Variants in SHISA9 observed in about 807,000 individuals in gnomAD.
SHISA9 encodes protein shisa-9.
Under a neutral mutation model 38.0 loss-of-function variants are expected in SHISA9, and 13 were observed. The ratio of observed to expected loss-of-function variants is 0.34; its 90% CI spans 0.22 to 0.54. The LOEUF (loss-of-function observed/expected upper bound fraction) is 0.54. Ranked by LOEUF, SHISA9 falls within the 20% of genes least tolerant of loss-of-function variation. SHISA9 has a pLI of 0.91. For synonymous variants in SHISA9, 275 were observed against 242.0 expected (o/e 1.14, Z -1.27); for missense variants, 538 against 575.8 (o/e 0.93, Z 0.67).
intron 2 of SHISA9, among the ~76,000 whole-genome samples, chr16:13,181,565 T>G (rs1366085911): frequency 6.6e-6 from 1 of 151,574 alleles, no homozygotes; most frequent in African/African-American, 2.4e-5. Flanking sequence ...ATGGTATGGG[T>G]TTTGATTTTA....
At chr16:13,244,546 T>G (rs1354199129), downstream of SHISA9, among the ~76,000 whole-genome samples, 2 of 152,248 alleles carry the variant, frequency 1.3e-5, no homozygotes, top group Non-Finnish European at 2.9e-5. Flanking sequence ...CAGTGTTATA[T>G]ATTTGTATAC....
At chr16:13,008,847 T>C (rs191716544) in intron 2 of SHISA9, among the ~76,000 whole-genome samples, 153 of 152,158 alleles carry the variant, frequency 1.0e-3, no homozygotes, top group Non-Finnish European at 1.9e-3. Flanking sequence ...TTTAGAGCAA[T>C]GTGAGAACAG....
At chr16:13,507,727 C>T in the SHISA9 span, among the ~76,000 whole-genome samples, 2 of 152,174 alleles carry the variant, frequency 1.3e-5, no homozygotes, top group African/African-American at 4.8e-5. Flanking sequence ...ACTGCCAGCC[C>T]TGATTCAGGT....
chr16:13,397,933 G>A, the SHISA9 span, among the ~76,000 whole-genome samples: 4 of 152,204 alleles, frequency 2.6e-5, no homozygotes, highest in Non-Finnish European at 5.9e-5. Flanking sequence ...CAGCAGAGCG[G>A]GGAGCCAGAA....
chr16:13,154,207 A>C (rs2050523347), intron 2 of SHISA9, among the ~76,000 whole-genome samples: 1 of 152,166 alleles, frequency 6.6e-6, no homozygotes, highest in African/African-American at 2.4e-5. Flanking sequence ...AGACTGGGGA[A>C]ATTTAAGTTA....
the SHISA9 span, among the ~76,000 whole-genome samples, chr16:13,475,844 C>A: frequency 6.6e-6 from 1 of 152,162 alleles, no homozygotes; most frequent in Admixed American, 6.5e-5. Flanking sequence ...TCATAAGGAA[C>A]AGGCAACCTA....
chr16:13,355,124 G>A, the SHISA9 span, among the ~76,000 whole-genome samples: 1 of 150,428 alleles, frequency 6.6e-6, no homozygotes, highest in South Asian at 2.2e-4. Flanking sequence ...GGCACCACGG[G>A]GTGGATAGGC....
chr16:13,035,063 G>C (rs1308357099), intron 2 of SHISA9, among the ~76,000 whole-genome samples: 1 of 152,176 alleles, frequency 6.6e-6, no homozygotes, highest in Non-Finnish European at 1.5e-5. Context: ...TTGGTGGATT[G>C]TCTGTTAAAA....
chr16:13,491,818 CT>C, the SHISA9 span, among the ~76,000 whole-genome samples: 18 of 44,550 alleles, frequency 4.0e-4, no homozygotes, highest in South Asian at 7.5e-4. Flanking sequence ...ATTTATTGAC[CT>C]TTTTTTTTTT....
the SHISA9 span, among the ~76,000 whole-genome samples, chr16:13,423,072 CT>C: frequency 6.6e-6 from 1 of 152,166 alleles, no homozygotes; most frequent in Non-Finnish European, 1.5e-5. Context: ...GCTGCCTTAC[CT>C]TAAAATGAGA....
chr16:13,432,851 G>A, the SHISA9 span, among the ~76,000 whole-genome samples: 1 of 152,116 alleles, frequency 6.6e-6, no homozygotes, highest in African/African-American at 2.4e-5. Context: ...GCTTATAAAT[G>A]GGAGCTAAAT....
intron 2 of SHISA9, among the ~76,000 whole-genome samples, chr16:13,167,065 C>G (rs153096): frequency 7.0e-6 from 1 of 142,646 alleles, no homozygotes; most frequent in Admixed American, 7.1e-5. Flanking sequence ...CTCTCTCTCT[C>G]TTTTTTCTTT....
the SHISA9 span, among the ~76,000 whole-genome samples, chr16:13,441,658 C>G: frequency 6.6e-6 from 1 of 152,174 alleles, no homozygotes; most frequent in South Asian, 2.1e-4. Flanking sequence ...ATTCCCCTGT[C>G]CAGTCTGCCC....
At chr16:13,546,032 A>G in the SHISA9 span, among the ~76,000 whole-genome samples, 1 of 152,160 alleles carries the variant, frequency 6.6e-6, no homozygotes, top group Non-Finnish European at 1.5e-5. Context: ...ACCTGAATTA[A>G]CAATGTAGGA....
At chr16:13,552,118 A>T in the SHISA9 span, among the ~76,000 whole-genome samples, 1 of 152,138 alleles carries the variant, frequency 6.6e-6, no homozygotes, top group Admixed American at 6.5e-5. Flanking sequence ...AATCAGTTGT[A>T]GTGGAATAAG....
At chr16:13,059,961 A>G (rs2073355161) in intron 2 of SHISA9, among the ~76,000 whole-genome samples, 1 of 152,180 alleles carries the variant, frequency 6.6e-6, no homozygotes, top group African/African-American at 2.4e-5. Flanking sequence ...GATTTCTGTC[A>G]TTTAAGCCAT....
the SHISA9 span, among the ~76,000 whole-genome samples, chr16:13,388,118 G>A: frequency 2.6e-5 from 4 of 152,072 alleles, no homozygotes; most frequent in Non-Finnish European, 5.9e-5. Context: ...ATTCCTGCAG[G>A]TTGAAATCCA....
intron 2 of SHISA9, among the ~76,000 whole-genome samples, chr16:13,048,862 A>AT (rs1481039950): frequency 6.6e-6 from 1 of 152,198 alleles, no homozygotes; most frequent in Non-Finnish European, 1.5e-5. Context: ...TATGTGAGGG[A>AT]TTTATTGAGT....
At chr16:12,914,871 T>C (rs1421116137) in intron 1 of SHISA9, among the ~76,000 whole-genome samples, 2 of 152,190 alleles carry the variant, frequency 1.3e-5, no homozygotes, top group African/African-American at 4.8e-5. Flanking sequence ...ATTTGCATCT[T>C]AACAAGTTCC....
Sources: gnomAD v4.1 joint callset for allele counts (sites outside exome capture counted in the v4.1 genomes callset) on GRCh38, gnomAD v4.1.1 for gene constraint, MANE v1.5 for transcripts, NCBI Gene and HGNC (gene_info 2026-07-23, HGNC 2026-07-21) for gene names.